MYO18A: variants seen among roughly 807,000 people sequenced by gnomAD.
The protein encoded by MYO18A is unconventional myosin-XVIIIa.
A neutral mutation model predicts 235.8 loss-of-function variants in MYO18A; 78 were observed. The ratio of observed to expected loss-of-function variants is 0.33; its 90% confidence interval spans 0.28 to 0.40. MYO18A has a LOEUF of 0.40. Among genes scored for constraint, MYO18A ranks in the 10% least tolerant of loss-of-function variants. The pLI is 1.00. For missense variants in MYO18A, 2,215 were observed against 2,699.3 expected (o/e 0.82, Z 3.98); for synonymous variants, 977 against 1,077.8 (o/e 0.91, Z 1.83).
At chr17:29,095,116 G>A (rs1598292494) in intron 28 of MYO18A, 57 bp from the exon 29 acceptor site, 1 of 1,479,852 alleles carries the variant, frequency 6.8e-7, no homozygotes, top group Non-Finnish European at 9.0e-7. Flanking sequence ...CCCCCACACA[G>A]ACACTGTCAG....
chr17:29,131,403 G>T (rs1050597537), intron 2 of MYO18A: 1 of 985,762 alleles, frequency 1.0e-6, no homozygotes, highest in Admixed American at 6.1e-5. Flanking sequence ...TCCTTGCCAG[G>T]AGAGCCAGGC....
chr17:29,101,683 G>T (rs950387632), intron 21 of MYO18A, among the ~76,000 whole-genome samples: 2 of 152,214 alleles, frequency 1.3e-5, no homozygotes, highest in Non-Finnish European at 2.9e-5. Flanking sequence ...CCCGCCGGAG[G>T]ACAGCAAACA....
chr17:29,074,498 C>A lies in MYO18A; in HGVS notation c.*272G>T. 1.7e-6 allele frequency: 1 copy of A among 575,622 alleles called. No individual in the cohort carries two copies. The highest frequency in any genetic ancestry group is 2.9e-5 in the East Asian group (1 of 34,346). The allele number at this position is 575,622 out of a possible 1,614,324, so 35.7% of individuals were successfully genotyped here. A position where few individuals can be genotyped will look rare whatever the true frequency, so the allele number is the denominator to read the frequency against. On this transcript the variant is annotated 3_prime_UTR_variant, in exon 42 of 42. Coordinates refer to ENST00000527372, the MANE Select transcript of MYO18A (RefSeq NM_078471.4). This position sits in a 1 kb window ranked among gnomAD's most constrained non-coding sequence, Gnocchi z 4.4. The stretch of plus-strand genomic sequence containing the variant: ...GCAGTGCCAGGCCACCTGCCACTGC[C>A]CACGGTGACACAGGGTAGAAGCCAA...
At chr17:29,122,422 G>T (rs1194197303) in intron 2 of MYO18A, among the ~76,000 whole-genome samples, 169 bp from the exon 3 acceptor site, 1 of 152,218 alleles carries the variant, frequency 6.6e-6, no homozygotes, top group Non-Finnish European at 1.5e-5. Context: ...CTGGGAAAGA[G>T]GGTGGGGAAG....
At chr17:29,131,005 T>C (rs115727979) in intron 2 of MYO18A, among the ~76,000 whole-genome samples, 157 of 152,234 alleles carry the variant, frequency 1.0e-3, no homozygotes, top group African/African-American at 3.6e-3. Context: ...CGACGCTCCC[T>C]GACCTAAGAG....
chr17:29,077,715 T>C (rs1010337109), intron 41 of MYO18A: 2 of 152,590 alleles, frequency 1.3e-5, no homozygotes, highest in Non-Finnish European at 2.9e-5. Context: ...ACTGCGCTGG[T>C]GGCTGGTGGA....
At chr17:29,156,139 C>T (rs980724201) in intron 2 of MYO18A, among the ~76,000 whole-genome samples, 3 of 152,164 alleles carry the variant, frequency 2.0e-5, no homozygotes, top group Middle Eastern at 3.2e-3. Flanking sequence ...AAGATCCTTG[C>T]TGTGAAAATT....
chr17:29,122,094 G>C (rs1376885369), intron 3 of MYO18A, 72 bp downstream of exon 3: 1 of 1,546,260 alleles, frequency 6.5e-7, no homozygotes. Context: ...ACCAGATGCA[G>C]AAGGCACATT....
At chr17:29,178,945 A>G (rs985111760) in intron 1 of MYO18A, among the ~76,000 whole-genome samples, 1 of 152,166 alleles carries the variant, frequency 6.6e-6, no homozygotes, top group African/African-American at 2.4e-5. Context: ...CCCAGAGCTC[A>G]CTTGCCACAG....
chr17:29,085,778 A>G, intron 39 of MYO18A, 130 bp from the exon 40 acceptor site: 1 of 889,470 alleles, frequency 1.1e-6, no homozygotes, highest in East Asian at 2.5e-5. Flanking sequence ...GCTGGTTGAG[A>G]CCAGGTAGTG....
intron 21 of MYO18A, 66 bp from the exon 22 acceptor site, chr17:29,099,828 G>A (rs2066612129): frequency 6.4e-7 from 1 of 1,570,988 alleles, no homozygotes; most frequent in Non-Finnish European, 8.6e-7. Flanking sequence ...AGGCAGAGAA[G>A]GTGAGGAACT....
At chr17:29,076,121 G>C (rs2065969640) in intron 41 of MYO18A, 1 of 154,580 alleles carries the variant, frequency 6.5e-6, no homozygotes, top group Non-Finnish European at 1.5e-5. Context: ...TGGTCACTGA[G>C]TACTCCTATG....
rs1183240296 is a variant in MYO18A, at chr17:29,106,483, G to A, written c.3441+597C>T. 6.6e-6 allele frequency among the ~76,000 whole-genome samples: 1 copy of A among 152,182 alleles called. No homozygotes were observed. Among genetic ancestry groups the A allele is most frequent in the African/African-American group, 2.4e-5 (1 of 41,430 alleles). The stretch of plus-strand genomic sequence containing the variant: ...TCTGAGGTGCTTTCAGAATCAGGCT[G>A]GATGCCTGAGGCCCGAGCACAGTAA... On this transcript the variant is annotated intron_variant, in intron 20 of 41. Coordinates refer to ENST00000527372, the MANE Select transcript of MYO18A (RefSeq NM_078471.4). The surrounding 1 kb of genome is among the most constrained non-coding windows in gnomAD (Gnocchi z 4.6).
chr17:29,117,164 A>G lies in MYO18A; in HGVS notation c.2039-709T>C, dbSNP rs2067092522. Among the ~76,000 whole-genome samples, 1 of 152,060 alleles carries G rather than the reference A, an allele frequency of 6.6e-6. No homozygotes were observed. Among genetic ancestry groups the G allele is most frequent in the Admixed American group, 6.5e-5 (1 of 15,274 alleles). ...TTCAGCGCCAGCATCCCCTTTCCCT[A>G]AACTGGAGAAAAAGGGGGTGAAGAG... On this transcript the variant is annotated intron_variant, in intron 10 of 41. Transcript: ENST00000527372. The surrounding 1 kb of genome is among the most constrained non-coding windows in gnomAD (Gnocchi z 4.6).
intron 2 of MYO18A, among the ~76,000 whole-genome samples, chr17:29,162,301 G>A (rs952378215): frequency 2.0e-5 from 3 of 152,144 alleles, no homozygotes; most frequent in African/African-American, 4.8e-5. Flanking sequence ...TAAAGTTCAC[G>A]TTCCCCAGCA....
At chr17:29,105,171 CAAAAAAAAAAA>C (rs58344909) in intron 20 of MYO18A, among the ~76,000 whole-genome samples, 5 of 35,806 alleles carry the variant, frequency 1.4e-4, no homozygotes, top group East Asian at 8.5e-4. Flanking sequence ...GACTCTGTCT[CAAAAAAAAAAA>C]AAAAAAAAAA....
At chr17:29,136,248 A>ATAT (rs1207210720) in intron 2 of MYO18A, among the ~76,000 whole-genome samples, 203 of 74,522 alleles carry the variant, frequency 2.7e-3, no homozygotes, top group Non-Finnish European at 3.8e-3. Flanking sequence ...AAAAAAAAAA[A>ATAT]AAATATATAT....
intron 28 of MYO18A, among the ~76,000 whole-genome samples, chr17:29,095,452 T>G (rs543304791): frequency 6.6e-6 from 1 of 152,356 alleles, no homozygotes; most frequent in East Asian, 1.9e-4. Flanking sequence ...TAACTCACTT[T>G]CCACAGTTTG....
chr17:29,158,669 C>G lies in MYO18A; in HGVS notation c.999+7273G>C, dbSNP rs2068110699. Among the ~76,000 whole-genome samples, 1 of 152,216 alleles carries G rather than the reference C, an allele frequency of 6.6e-6. No individual in the cohort carries two copies. Among genetic ancestry groups the G allele is most frequent in the Non-Finnish European group, 1.5e-5 (1 of 68,024 alleles). On this transcript the variant is annotated intron_variant, in intron 2 of 41. Transcript: ENST00000527372. This position sits in a 1 kb window ranked among gnomAD's most constrained non-coding sequence, Gnocchi z 4.3. ...GGGTCACCAGTCCCCACCGTCCCCC[C>G]AAGACTGCAGTGAGTAGAATACAGC... is the stretch of plus-strand genomic sequence containing the variant.
Sources: allele counts gnomAD v4.1 joint callset (sites outside exome capture counted in the v4.1 genomes callset), GRCh38; gene constraint gnomAD v4.1.1; non-coding constraint Gnocchi (gnomAD v3.1); transcripts MANE v1.5; gene names NCBI Gene and HGNC (gene_info 2026-07-23, HGNC 2026-07-21).